Variants in SPCS3 observed in about 807,000 individuals in gnomAD.
SPCS3 encodes the protein SPase 22 kDa subunit.
A neutral mutation model predicts 17.2 loss-of-function variants in SPCS3; 9 were observed. The ratio of observed to expected loss-of-function variants is 0.52; its 90% CI spans 0.31 to 0.91. SPCS3 has a LOEUF of 0.91. Among genes scored for constraint, SPCS3 ranks in the 40% least tolerant of loss-of-function variants. The pLI, the probability that SPCS3 is intolerant of heterozygous loss-of-function variation, is 0.04. For synonymous variants in SPCS3, 87 were observed against 89.6 expected (o/e 0.97, Z 0.16); for missense variants, 139 against 217.5 (o/e 0.64, Z 2.27).
chr4:176,322,855 T>G (rs948224490), intron 2 of SPCS3, among the ~76,000 whole-genome samples: 1 of 152,140 alleles, frequency 6.6e-6, no homozygotes, highest in Non-Finnish European at 1.5e-5. Flanking sequence ...ACAACTCTGA[T>G]CATTTTGGCC....
In SPCS3 at chr4:176,332,013, A is replaced by C. The variant is rs72623906; in HGVS notation, c.*3683A>C. ...TATGCTTTTTACGTGAAGCTGCTAAACTAAAAGTAAATGGAAGAAACCAAG... is the reference window on the plus strand; with the variant it reads ...TATGCTTTTTACGTGAAGCTGCTAACCTAAAAGTAAATGGAAGAAACCAAG... On this transcript the variant is annotated 3_prime_UTR_variant, in exon 5 of 5. Coordinates refer to ENST00000503362, the MANE Select transcript of SPCS3 (RefSeq NM_021928.4). 970 of 152,368 alleles carry C rather than the reference A, an allele frequency of 6.4e-3. 11 individuals are homozygous for C. The highest frequency in any genetic ancestry group is 0.021 in the African/African-American group (879 of 41,568). 9.4% of individuals were successfully genotyped at this position (152,368 alleles called of 1,614,324 possible).
rs1560839990 is a variant in SPCS3 at position 176,331,876 on chromosome 4, A to G, written c.*3546A>G. ...AGTGTTAGGATAACAGGTGTGAGCC[A>G]CCGTGCCCGGCTGAAGATTTTTCTT... is the stretch of plus-strand genomic sequence containing the variant. On this transcript the variant is annotated 3_prime_UTR_variant, in exon 5 of 5. Coordinates refer to ENST00000503362, the MANE Select transcript of SPCS3 (RefSeq NM_021928.4). The G allele has an allele frequency of 6.6e-6, 1 of 152,228 alleles. No homozygotes were observed. The highest frequency in any genetic ancestry group is 1.5e-5 in the Non-Finnish European group (1 of 68,040). The allele number at this position is 152,228 out of a possible 1,614,324, so 9.4% of individuals were successfully genotyped here.
In SPCS3 at chr4:176,331,626, AC is replaced by A. The variant is rs930240398; in HGVS notation, c.*3297del. On this transcript the variant is annotated 3_prime_UTR_variant, in exon 5 of 5. Transcript: ENST00000503362. ...TTTTCTGAGACGGAGATCTGCTCTTACGCCCAGGCTAGAGTGAAGTGGCGCG... is the reference window on the plus strand; with the variant it reads ...TTTTCTGAGACGGAGATCTGCTCTTAGCCCAGGCTAGAGTGAAGTGGCGCG... The A allele has an allele frequency of 6.6e-6, 1 of 152,064 alleles. No homozygotes were observed. The highest frequency in any genetic ancestry group is 2.4e-5 in the African/African-American group (1 of 41,386). 9.4% of individuals were successfully genotyped at this position (152,064 alleles called of 1,614,324 possible).
chr4:176,327,510 A>C (rs1731622878), intron 4 of SPCS3: 3 of 295,986 alleles, frequency 1.0e-5, no homozygotes, highest in Non-Finnish European at 1.9e-5. Flanking sequence ...TTCTATCCTA[A>C]GCGTGTACAA....
chr4:176,325,329 C>G (rs967210683), intron 3 of SPCS3, among the ~76,000 whole-genome samples: 19 of 152,054 alleles, frequency 1.2e-4, no homozygotes, highest in African/African-American at 4.3e-4. Context: ...GCTAGGATTA[C>G]AGGCATAAGC....
chr4:176,328,143 T>G, intron 4 of SPCS3, 55 bp from the exon 5 acceptor site: 1 of 1,571,208 alleles, frequency 6.4e-7, no homozygotes, highest in Non-Finnish European at 8.6e-7. Flanking sequence ...GTCTTAAAAT[T>G]TTTTTTGAAC....
Position 176,329,984 on chromosome 4 carries a change from G to A in SPCS3, c.*1654G>A, listed in dbSNP as rs367779602. On this transcript the variant is annotated 3_prime_UTR_variant, in exon 5 of 5. Coordinates refer to ENST00000503362, the MANE Select transcript of SPCS3 (RefSeq NM_021928.4). ...ACCAGCAGAAAGGTCAAAGGTACCT[G>A]AATGCTAAACTGCCTGGCTCCCAGC... The A allele has an allele frequency of 6.6e-6, 1 of 152,264 alleles. No homozygotes were observed. The highest frequency in any genetic ancestry group is 1.9e-4 in the East Asian group (1 of 5,184). 9.4% of individuals were successfully genotyped at this position (152,264 alleles called of 1,614,324 possible).
chr4:176,321,431 G>C (rs1323477764), intron 1 of SPCS3: 1 of 152,162 alleles, frequency 6.6e-6, no homozygotes, highest in Non-Finnish European at 1.5e-5. Flanking sequence ...TTGTCAGTGG[G>C]TCTGAGCCGT....
chr4:176,326,636 G>C (rs1731611282), intron 3 of SPCS3, among the ~76,000 whole-genome samples: 2 of 152,158 alleles, frequency 1.3e-5, no homozygotes, highest in African/African-American at 4.8e-5. Flanking sequence ...TAAAGCTTTT[G>C]TAAAGAAATC....
At chr4:176,321,998 A>G (rs982179860) in intron 1 of SPCS3, 172 bp from the exon 2 acceptor site, 9 of 469,514 alleles carry the variant, frequency 1.9e-5, no homozygotes, top group Non-Finnish European at 3.4e-5. Context: ...TTAATATTGG[A>G]TTAGAATGTT....
rs1440999994 is a variant in SPCS3 at position 176,328,957 on chromosome 4, T to A, written c.*627T>A. On this transcript the variant is annotated 3_prime_UTR_variant, in exon 5 of 5. Transcript: ENST00000503362. ...AAAGACTAAATACCTCTTTATATGA[T>A]GTAAATTATTCTAATTCATTTTAAA... is the stretch of plus-strand genomic sequence containing the variant. 1 of 152,168 alleles carries A rather than the reference T, an allele frequency of 6.6e-6. No individual in the cohort carries two copies. The highest frequency in any genetic ancestry group is 1.5e-5 in the Non-Finnish European group (1 of 67,992). 9.4% of individuals were successfully genotyped at this position (152,168 alleles called of 1,614,324 possible).
In SPCS3 at chr4:176,331,802, T is replaced by A. The variant is rs1200580767; in HGVS notation, c.*3472T>A. ...CGGGGTTTTGCTATGTTGGCCAGGCTGGTCTCAAACTCCTGACCTCAAGTG... is the reference window on the plus strand; with the variant it reads ...CGGGGTTTTGCTATGTTGGCCAGGCAGGTCTCAAACTCCTGACCTCAAGTG... On this transcript the variant is annotated 3_prime_UTR_variant, in exon 5 of 5. Coordinates refer to ENST00000503362, the MANE Select transcript of SPCS3 (RefSeq NM_021928.4). 2.0e-5 allele frequency: 3 copies of A among 152,222 alleles called. No individual in the cohort carries two copies. Among genetic ancestry groups the A allele is most frequent in the African/African-American group, 4.8e-5 (2 of 41,454 alleles). 9.4% of individuals were successfully genotyped at this position (152,222 alleles called of 1,614,324 possible).
intron 4 of SPCS3, among the ~76,000 whole-genome samples, chr4:176,327,546 T>A (rs1368449480): frequency 1.3e-5 from 2 of 152,174 alleles, no homozygotes; most frequent in Non-Finnish European, 2.9e-5. Flanking sequence ...TCAGATGCGG[T>A]AGGGCTGTGG....
Position 176,328,309 on chromosome 4 carries a change from T to C in SPCS3, c.522T>C (p.Tyr174=), listed in dbSNP as rs1366346988. 6.2e-7 allele frequency: 1 copy of C among 1,602,266 alleles called. No individual in the cohort carries two copies. The highest frequency in any genetic ancestry group is 1.3e-5 in the African/African-American group (1 of 74,470). The change falls in exon 5 of 5, where the codon TAT becomes TAC. Residue 174 remains tyrosine, a synonymous_variant. Coordinates refer to ENST00000503362, the MANE Select transcript of SPCS3 (RefSeq NM_021928.4). ...TATCTGTCCCATTTCCAGATACATA[T>C]GAAATAACGAAGAGTTATTAAATTA... ...GHVSVPFPDT[Y]EITKSY is the part of the protein sequence containing the mutation.
At chr4:176,320,245 A>G in intron 1 of SPCS3, 26 bp downstream of exon 1, 1 of 1,519,452 alleles carries the variant, frequency 6.6e-7, no homozygotes, top group Non-Finnish European at 8.8e-7. Context: ...CCGGCGGTGC[A>G]GGACGCCGGG....
intron 2 of SPCS3, 51 bp downstream of exon 2, chr4:176,322,294 A>T: frequency 8.1e-7 from 1 of 1,237,000 alleles, no homozygotes; most frequent in Non-Finnish European, 1.2e-6. Flanking sequence ...TTATAATGAG[A>T]TATGTGTTGT....
intron 1 of SPCS3, chr4:176,321,557 T>C (rs1480092836): frequency 6.6e-6 from 1 of 152,274 alleles, no homozygotes; most frequent in African/African-American, 2.4e-5. Flanking sequence ...CTATATATAC[T>C]TGGTTTTTTC....
intron 1 of SPCS3, 44 bp from the exon 2 acceptor site, chr4:176,322,126 A>T: frequency 3.2e-6 from 4 of 1,265,148 alleles, no homozygotes; most frequent in Non-Finnish European, 3.5e-6. Context: ...TGAATTGTGT[A>T]TGTTCTGTTG....
At chr4:176,320,440 G>A (rs990151802) in intron 1 of SPCS3, 2 of 300,052 alleles carry the variant, frequency 6.7e-6, no homozygotes, top group East Asian at 6.0e-5. Context: ...GTAAATTCCC[G>A]GGCTTGCTCT....
Sources: gnomAD v4.1 joint callset for allele counts (sites outside exome capture counted in the v4.1 genomes callset) on GRCh38, gnomAD v4.1.1 for gene constraint, MANE v1.5 for transcripts, NCBI Gene and HGNC (gene_info 2026-07-23, HGNC 2026-07-21) for gene names.